FUT8: variants seen among roughly 807,000 people sequenced by gnomAD.
FUT8 encodes fucosyltransferase 8.
In FUT8, 29 loss-of-function variants were observed where a neutral mutation model predicts 71.3. The ratio of observed to expected loss-of-function variants is 0.41; its 90% CI spans 0.30 to 0.55. The LOEUF is 0.55. Ranked by LOEUF, FUT8 falls within the 20% of genes least tolerant of loss-of-function variation. FUT8 has a pLI of 0.34. For synonymous variants in FUT8, 254 were observed against 239.3 expected, an observed-to-expected ratio of 1.06 and a Z score of -0.57; for missense variants, 544 against 702.1, an observed-to-expected ratio of 0.77 and a Z score of 2.55.
the FUT8 span, among the ~76,000 whole-genome samples, chr14:65,393,695 C>T: frequency 2.0e-5 from 3 of 152,218 alleles, no homozygotes; most frequent in Admixed American, 2.0e-4. Context: ...GGGGAAATAT[C>T]AGTGGAGACA....
At chr14:65,427,361 A>G (rs1209611442) in intron 1 of FUT8, among the ~76,000 whole-genome samples, 1 of 151,976 alleles carries the variant, frequency 6.6e-6, no homozygotes, top group African/African-American at 2.4e-5. Flanking sequence ...ATTTTGAGGA[A>G]CCTCCACACT....
At chr14:65,677,162 A>ATGTG (rs1892791817) in intron 7 of FUT8, among the ~76,000 whole-genome samples, 4 of 27,204 alleles carry the variant, frequency 1.5e-4, no homozygotes, top group East Asian at 3.8e-3. Context: ...GCGCGCGCGC[A>ATGTG]TGCGCGCGCA....
intron 3 of FUT8, among the ~76,000 whole-genome samples, chr14:65,591,772 G>A (rs1254548918): frequency 1.3e-5 from 2 of 151,124 alleles, no homozygotes; most frequent in African/African-American, 4.9e-5. Context: ...ATTAGTTGTT[G>A]CCTTTCTCTT....
chr14:65,369,952 G>C, the FUT8 span, among the ~76,000 whole-genome samples: 3 of 152,010 alleles, frequency 2.0e-5, no homozygotes, highest in Non-Finnish European at 4.4e-5. The surrounding 1 kb of genome is among the most constrained non-coding windows in gnomAD (Gnocchi z 4.6). Flanking sequence ...TCTTGCTGGA[G>C]GTCCAAGAAC....
chr14:65,398,183 C>G, the FUT8 span, among the ~76,000 whole-genome samples: 1 of 152,098 alleles, frequency 6.6e-6, no homozygotes, highest in African/African-American at 2.4e-5. Flanking sequence ...TATTTTGAGA[C>G]AGGGTCTCAT....
chr14:65,668,089 C>T, intron 6 of FUT8, among the ~76,000 whole-genome samples: 1 of 152,110 alleles, frequency 6.6e-6, no homozygotes, highest in East Asian at 1.9e-4. Context: ...AGATAAAAGA[C>T]TTAAATGTAA....
intron 1 of FUT8, among the ~76,000 whole-genome samples, chr14:65,435,362 G>C (rs2065539156): frequency 6.6e-6 from 1 of 152,144 alleles, no homozygotes; most frequent in Non-Finnish European, 1.5e-5. Context: ...TGACATTGTA[G>C]TTATATAGAC....
In FUT8 at chr14:65,558,224, C is replaced by T. The variant is rs372681015; in HGVS notation, c.-227-3113C>T. ...GCAGACACCTGTAGTCTCAGCTACT[C>T]GGGAGGCTGAGACAAGAGAATCTCT... On this transcript the variant is annotated intron_variant, in intron 2 of 10. Transcript: ENST00000673929. 5.9e-4 allele frequency among the ~76,000 whole-genome samples: 88 copies of T among 149,856 alleles called. No individual in the cohort carries two copies. In the South Asian group the frequency reaches 0.016, roughly 27 times the overall value.
At chr14:65,693,373 G>A (rs987882015) in intron 7 of FUT8, among the ~76,000 whole-genome samples, 4 of 152,336 alleles carry the variant, frequency 2.6e-5, no homozygotes, top group South Asian at 2.1e-4. Flanking sequence ...CAGGCGTGGC[G>A]GCGCGCGCCT....
chr14:65,504,114 C>T lies in FUT8; in HGVS notation c.-228+48396C>T, dbSNP rs543429213. Reference sequence around the variant, plus strand: ...TTGAATTTCTTACTTCTCCCACCTACACCCCCTTCTTTAAAACTGCGAGGC... The same window carrying T: ...TTGAATTTCTTACTTCTCCCACCTATACCCCCTTCTTTAAAACTGCGAGGC... On this transcript the variant is annotated intron_variant, in intron 2 of 10. Coordinates refer to ENST00000673929, the MANE Select transcript of FUT8 (RefSeq NM_001371533.1). Among the ~76,000 whole-genome samples, 5 of 152,318 alleles carry T rather than the reference C, an allele frequency of 3.3e-5. No homozygotes were observed. The East Asian group carries it at 7.7e-4, about 23-fold the overall frequency.
At chr14:65,690,100 T>A (rs1195006263) in intron 7 of FUT8, among the ~76,000 whole-genome samples, 1 of 152,174 alleles carries the variant, frequency 6.6e-6, no homozygotes, top group Non-Finnish European at 1.5e-5. Flanking sequence ...TTTTTGCAAG[T>A]AGATGTCTAA....
At chr14:65,728,957 A>G (rs1254288757) in intron 9 of FUT8, among the ~76,000 whole-genome samples, 1 of 151,408 alleles carries the variant, frequency 6.6e-6, no homozygotes, top group Non-Finnish European at 1.5e-5. Context: ...ATCGAATTCT[A>G]TATAATTTAA....
At chr14:65,689,255 A>C (rs114463910) in intron 7 of FUT8, among the ~76,000 whole-genome samples, 1 of 152,146 alleles carries the variant, frequency 6.6e-6, no homozygotes, top group Non-Finnish European at 1.5e-5. Flanking sequence ...AGTGCCATAC[A>C]GTGTTGAGAA....
intron 10 of FUT8, among the ~76,000 whole-genome samples, chr14:65,737,247 A>G (rs1896261165): frequency 6.6e-6 from 1 of 152,058 alleles, no homozygotes; most frequent in Non-Finnish European, 1.5e-5. Flanking sequence ...TTTTGTTACT[A>G]TTATTGCTGT....
At chr14:65,398,636 T>C in the FUT8 span, among the ~76,000 whole-genome samples, 1 of 151,668 alleles carries the variant, frequency 6.6e-6, no homozygotes, top group Non-Finnish European at 1.5e-5. Context: ...CTTGGGAAGC[T>C]GAGGCAGGAG....
chr14:65,510,654 G>A lies in FUT8; in HGVS notation c.-227-50683G>A, dbSNP rs1022181713. Among the ~76,000 whole-genome samples, 21 of 152,110 alleles carry A rather than the reference G, an allele frequency of 1.4e-4. No homozygotes were observed. In the South Asian group the frequency reaches 2.3e-3, roughly 17 times the overall value. ...TGGATTTCTTCATGTTTCAATCTTG[G>A]TAGGTTGTATGTGTCTAGGAATTTG... On this transcript the variant is annotated intron_variant, in intron 2 of 10. Transcript: ENST00000673929.
chr14:65,666,976 T>C (rs1892246318), intron 6 of FUT8, among the ~76,000 whole-genome samples: 2 of 152,152 alleles, frequency 1.3e-5, no homozygotes, highest in Admixed American at 1.3e-4. Context: ...ACTCTCTTCA[T>C]GTTAAAAATC....
chr14:65,697,468 G>A (rs1894051111), intron 7 of FUT8, among the ~76,000 whole-genome samples: 3 of 152,222 alleles, frequency 2.0e-5, no homozygotes, highest in South Asian at 4.2e-4. Context: ...TGGTGGGTTA[G>A]GCTTTGATAA....
In FUT8 at chr14:65,742,628, A is replaced by G. The variant is rs1446672273; in HGVS notation, c.*218A>G. On this transcript the variant is annotated 3_prime_UTR_variant, in exon 11 of 11. Coordinates refer to ENST00000673929, the MANE Select transcript of FUT8 (RefSeq NM_001371533.1). ...CAATGCCCTCATACCCATGCACAGT[A>G]CAATAATGTACTCACATATAACATG... 3.9e-6 allele frequency: 2 copies of G among 511,296 alleles called. No homozygotes were observed. Among genetic ancestry groups the G allele is most frequent in the Non-Finnish European group, 7.0e-6 (2 of 286,404 alleles). 31.7% of individuals were successfully genotyped at this position (511,296 alleles called of 1,614,324 possible). A position where few individuals can be genotyped will look rare whatever the true frequency, so the allele number is the denominator to read the frequency against.
Sources: allele counts gnomAD v4.1 joint callset (sites outside exome capture counted in the v4.1 genomes callset), GRCh38; gene constraint gnomAD v4.1.1; non-coding constraint Gnocchi (gnomAD v3.1); transcripts MANE v1.5; gene names NCBI Gene and HGNC (gene_info 2026-07-23, HGNC 2026-07-21).